Variants in PPM1E observed in about 807,000 individuals in gnomAD.
PPM1E encodes protein phosphatase, Mg2+/Mn2+ dependent 1E, also known as protein phosphatase 1E.
A neutral mutation model predicts 65.9 loss-of-function variants in PPM1E; 20 were observed. The ratio of observed to expected loss-of-function variants is 0.30; its 90% CI spans 0.21 to 0.44. PPM1E has a LOEUF of 0.44. Among genes scored for constraint, PPM1E ranks in the 20% least tolerant of loss-of-function variants. PPM1E has a pLI of 1.00. For synonymous variants in PPM1E, 352 were observed against 374.9 expected (o/e 0.94, Z 0.70); for missense variants, 713 against 953.1 (o/e 0.75, Z 3.32).
chr17:58,929,853 TA>T (rs2051869634), intron 1 of PPM1E, among the ~76,000 whole-genome samples: 1 of 152,222 alleles, frequency 6.6e-6, no homozygotes, highest in African/African-American at 2.4e-5. Context: ...TGGGTTTCTT[TA>T]TGTTATCATG....
chr17:58,883,937 C>G (rs1237476203), intron 1 of PPM1E, among the ~76,000 whole-genome samples: 1 of 149,618 alleles, frequency 6.7e-6, no homozygotes, highest in African/African-American at 2.5e-5. Flanking sequence ...CCAAATTTAC[C>G]AAAAAAAAAT....
intron 1 of PPM1E, among the ~76,000 whole-genome samples, chr17:58,861,647 T>C (rs1042988675): frequency 6.6e-6 from 1 of 152,162 alleles, no homozygotes; most frequent in Non-Finnish European, 1.5e-5. Context: ...TGTTTCTGGC[T>C]GGGCACGGTG....
At chr17:58,821,656 A>G (rs1419845659) in intron 1 of PPM1E, among the ~76,000 whole-genome samples, 6 of 152,212 alleles carry the variant, frequency 3.9e-5, no homozygotes, top group Non-Finnish European at 8.8e-5. Context: ...AGAAGCGGAT[A>G]CTGGTTAGCA....
At chr17:58,768,689 G>A (rs1167505306) in intron 1 of PPM1E, among the ~76,000 whole-genome samples, 1 of 151,966 alleles carries the variant, frequency 6.6e-6, no homozygotes, top group East Asian at 1.9e-4. Context: ...TATTTTTTGA[G>A]ACAGAGTTTC....
chr17:58,821,741 A>G (rs1165470172), intron 1 of PPM1E, among the ~76,000 whole-genome samples: 2 of 152,036 alleles, frequency 1.3e-5, no homozygotes, highest in Non-Finnish European at 2.9e-5. Context: ...GAAGAAACTT[A>G]TTTTGAGACT....
intron 1 of PPM1E, among the ~76,000 whole-genome samples, chr17:58,934,561 C>G (rs2051950608): frequency 6.6e-6 from 1 of 152,114 alleles, no homozygotes; most frequent in South Asian, 2.1e-4. Flanking sequence ...GATCTGGGCA[C>G]TAGACATCAA....
chr17:58,886,153 A>G (rs1180479270), intron 1 of PPM1E, among the ~76,000 whole-genome samples: 1 of 152,134 alleles, frequency 6.6e-6, no homozygotes, highest in African/African-American at 2.4e-5. Context: ...TCCCTCTTCT[A>G]TTTGATTGTC....
At chr17:58,807,101 A>G (rs1460501308) in intron 1 of PPM1E, among the ~76,000 whole-genome samples, 17 of 152,156 alleles carry the variant, frequency 1.1e-4, no homozygotes. Context: ...ATACCTCCTA[A>G]TTGTAGCAGC....
At chr17:58,891,578 T>G (rs2051345035) in intron 1 of PPM1E, among the ~76,000 whole-genome samples, 2 of 151,444 alleles carry the variant, frequency 1.3e-5, no homozygotes, top group Non-Finnish European at 2.9e-5. Flanking sequence ...CCATCTCAAC[T>G]GCCCAAAGTG....
In PPM1E at chr17:58,981,086, A is replaced by G; in HGVS notation, c.*55A>G. The G allele has an allele frequency of 8.1e-7, 1 of 1,238,134 alleles. No individual in the cohort carries two copies. Among genetic ancestry groups the G allele is most frequent in the Non-Finnish European group, 1.1e-6 (1 of 883,676 alleles). The allele number at this position is 1,238,134 out of a possible 1,614,324, so 76.7% of individuals were successfully genotyped here. On this transcript the variant is annotated 3_prime_UTR_variant, in exon 7 of 7. Transcript: ENST00000308249. ...CCCCCAATAAAAATACCACTATCAGAGTAGAAACAAGGTAGACATTTCTAA... is the reference window on the plus strand; with the variant it reads ...CCCCCAATAAAAATACCACTATCAGGGTAGAAACAAGGTAGACATTTCTAA...
intron 5 of PPM1E, among the ~76,000 whole-genome samples, chr17:58,972,630 C>T (rs534933946): frequency 3.9e-5 from 6 of 152,260 alleles, no homozygotes; most frequent in South Asian, 4.1e-4. Flanking sequence ...GGATTATAGG[C>T]GTGAGCCACC....
At chr17:58,934,816 A>G (rs1488640459) in intron 1 of PPM1E, among the ~76,000 whole-genome samples, 1 of 151,818 alleles carries the variant, frequency 6.6e-6, no homozygotes, top group South Asian at 2.1e-4. Flanking sequence ...AATCCCAGCT[A>G]CTCAGGAGGC....
chr17:58,786,047 C>T (rs2050097243), intron 1 of PPM1E, among the ~76,000 whole-genome samples: 1 of 147,978 alleles, frequency 6.8e-6, no homozygotes, highest in Non-Finnish European at 1.5e-5. Flanking sequence ...CAGAGTCTCA[C>T]TCTGTCGCCC....
At chr17:58,835,528 A>G (rs2050646823) in intron 1 of PPM1E, among the ~76,000 whole-genome samples, 1 of 152,082 alleles carries the variant, frequency 6.6e-6, no homozygotes, top group South Asian at 2.1e-4. Flanking sequence ...TTATTAAAAC[A>G]TATATTTTTG....
intron 1 of PPM1E, among the ~76,000 whole-genome samples, chr17:58,828,839 A>G (rs1314421816): frequency 6.6e-6 from 1 of 151,972 alleles, no homozygotes; most frequent in East Asian, 1.9e-4. Context: ...TTGTTTTTTA[A>G]ATTATAGACA....
chr17:58,797,064 C>T (rs995092140), intron 1 of PPM1E, among the ~76,000 whole-genome samples: 1 of 152,076 alleles, frequency 6.6e-6, no homozygotes, highest in African/African-American at 2.4e-5. Flanking sequence ...GCTGAGATCA[C>T]GCCACTTCAC....
chr17:58,856,820 A>G (rs1367746766), intron 1 of PPM1E, among the ~76,000 whole-genome samples: 1 of 152,146 alleles, frequency 6.6e-6, no homozygotes, highest in African/African-American at 2.4e-5. Flanking sequence ...ACTGTGAGAA[A>G]ATTTTCTGTT....
At chr17:58,853,692 A>G (rs1598611381) in intron 1 of PPM1E, among the ~76,000 whole-genome samples, 1 of 152,134 alleles carries the variant, frequency 6.6e-6, no homozygotes, top group South Asian at 2.1e-4. Flanking sequence ...GTTGGGTATG[A>G]TGGCACACGT....
chr17:58,837,955 G>A (rs955396864), intron 1 of PPM1E, among the ~76,000 whole-genome samples: 13 of 152,198 alleles, frequency 8.5e-5, no homozygotes, highest in African/African-American at 3.1e-4. Flanking sequence ...GATGATCACT[G>A]ACAATAACGT....
Sources: allele counts gnomAD v4.1 joint callset (sites outside exome capture counted in the v4.1 genomes callset), GRCh38; gene constraint gnomAD v4.1.1; transcripts MANE v1.5; gene names NCBI Gene and HGNC (gene_info 2026-07-23, HGNC 2026-07-21).